Variants in ERCC6L2 observed in about 807,000 individuals in gnomAD.
ERCC6L2 encodes DNA excision repair protein ERCC-6-like 2.
A neutral mutation model predicts 132.0 loss-of-function variants in ERCC6L2; 77 were observed. The ratio of observed to expected loss-of-function variants is 0.58; its 90% CI spans 0.49 to 0.71. The LOEUF is 0.71. ERCC6L2 is among the 30% of genes least tolerant of loss of function. The pLI is 0.00. For missense variants in ERCC6L2, 1,542 were observed against 1,837.6 expected (o/e 0.84, Z 2.94); for synonymous variants, 583 against 632.4 (o/e 0.92, Z 1.17).
intron 13 of ERCC6L2, among the ~76,000 whole-genome samples, chr9:95,957,925 G>A (rs1831693715): frequency 6.6e-6 from 1 of 150,974 alleles, no homozygotes; most frequent in Non-Finnish European, 1.5e-5. Flanking sequence ...TGTGCACAAT[G>A]TGCAGGTTAG....
chr9:95,916,586 C>A (rs1184107768), intron 6 of ERCC6L2, 152 bp downstream of exon 6: 1 of 577,416 alleles, frequency 1.7e-6, no homozygotes, highest in Non-Finnish European at 2.9e-6. Flanking sequence ...ATTTCAGAAA[C>A]CATTGATTGA....
At chr9:95,950,683 G>C (rs1831289362) in intron 12 of ERCC6L2, among the ~76,000 whole-genome samples, 1 of 152,144 alleles carries the variant, frequency 6.6e-6, no homozygotes, top group South Asian at 2.1e-4. Context: ...AAAGAGAACA[G>C]GAATGGTTGT....
intron 16 of ERCC6L2, among the ~76,000 whole-genome samples, chr9:95,977,311 A>G (rs1214975622): frequency 6.6e-6 from 1 of 152,176 alleles, no homozygotes; most frequent in Admixed American, 6.5e-5. Context: ...ATGATTGGCA[A>G]TTTCTGATTG....
At chr9:95,995,564 G>A (rs964594235) in intron 17 of ERCC6L2, among the ~76,000 whole-genome samples, 2 of 152,126 alleles carry the variant, frequency 1.3e-5, no homozygotes, top group Non-Finnish European at 1.5e-5. Flanking sequence ...TTGTTTTAGT[G>A]TACTTCATTT....
intron 12 of ERCC6L2, among the ~76,000 whole-genome samples, chr9:95,948,206 C>T (rs903517602): frequency 6.6e-6 from 1 of 152,202 alleles, no homozygotes; most frequent in Non-Finnish European, 1.5e-5. Flanking sequence ...AAATATCAAA[C>T]AGGAGTTTGG....
intron 11 of ERCC6L2, among the ~76,000 whole-genome samples, chr9:95,938,000 T>C (rs931041503): frequency 1.8e-4 from 28 of 152,142 alleles, no homozygotes; most frequent in Admixed American, 1.6e-3. Flanking sequence ...ATATGTTGTA[T>C]TTTCATTTGT....
intron 2 of ERCC6L2, among the ~76,000 whole-genome samples, chr9:95,883,422 A>G (rs2132525335): frequency 6.6e-6 from 1 of 152,342 alleles, no homozygotes; most frequent in Middle Eastern, 3.4e-3. Context: ...TCTGTGACCA[A>G]GATTACAGAT....
chr9:95,973,978 C>T (rs775968894), intron 16 of ERCC6L2, among the ~76,000 whole-genome samples: 3 of 152,112 alleles, frequency 2.0e-5, no homozygotes, highest in African/African-American at 7.2e-5. Flanking sequence ...TTCTATATTA[C>T]CTGCAAAAGA....
intron 19 of ERCC6L2, among the ~76,000 whole-genome samples, chr9:96,035,386 T>C (rs1033899577): frequency 6.6e-6 from 1 of 152,116 alleles, no homozygotes; most frequent in Admixed American, 6.5e-5. Context: ...CTTCCTCTCC[T>C]CTGAGGGCCA....
At position 95,947,941 on chromosome 9, in the gene ERCC6L2, G is replaced by A. The variant is rs371726790; in HGVS notation, c.1847+6392G>A. On this transcript the variant is annotated intron_variant, in intron 12 of 18. Coordinates refer to ENST00000653738, the MANE Select transcript of ERCC6L2 (RefSeq NM_020207.7). The stretch of plus-strand genomic sequence containing the variant: ...ACTGACAATGCCCCTAGTCACCCAA[G>A]TGTTCTGATGGAGATATACAAGGAG... Among the ~76,000 whole-genome samples, 21 of 152,324 alleles carry A rather than the reference G, an allele frequency of 1.4e-4. No individual in the cohort carries two copies. In the South Asian group the frequency reaches 4.1e-3, roughly 30 times the overall value.
chr9:95,895,535 T>C (rs927163549), intron 2 of ERCC6L2, among the ~76,000 whole-genome samples: 2 of 152,148 alleles, frequency 1.3e-5, no homozygotes, highest in African/African-American at 4.8e-5. Flanking sequence ...TATTACTTTA[T>C]TATCCCCTTT....
At chr9:96,030,957 G>A (rs1194036699) in intron 19 of ERCC6L2, among the ~76,000 whole-genome samples, 2 of 152,152 alleles carry the variant, frequency 1.3e-5, no homozygotes, top group Non-Finnish European at 2.9e-5. Flanking sequence ...ACAGGCCCTG[G>A]TGCTTGTCGC....
At chr9:96,024,561 C>T (rs1834337469) in intron 19 of ERCC6L2, among the ~76,000 whole-genome samples, 1 of 152,222 alleles carries the variant, frequency 6.6e-6, no homozygotes, top group Non-Finnish European at 1.5e-5. Context: ...CTCCTCCTCA[C>T]CTTGTCCCTT....
intron 17 of ERCC6L2, among the ~76,000 whole-genome samples, chr9:95,980,845 T>G (rs1030936515): frequency 2.0e-5 from 3 of 152,320 alleles, no homozygotes; most frequent in South Asian, 4.1e-4. Context: ...TTCTTGATCC[T>G]GAAGTCTCCA....
intron 2 of ERCC6L2, among the ~76,000 whole-genome samples, chr9:95,885,579 G>A (rs1331167184): frequency 6.6e-6 from 1 of 152,100 alleles, no homozygotes; most frequent in Non-Finnish European, 1.5e-5. Context: ...AATCCCTTTT[G>A]TACATTTACG....
chr9:96,015,415 T>G lies in ERCC6L2; in HGVS notation c.*2212T>G, dbSNP rs2133236069. Among the ~76,000 whole-genome samples, 1 of 151,904 alleles carries G rather than the reference T, an allele frequency of 6.6e-6. No individual in the cohort carries two copies. Among genetic ancestry groups the G allele is most frequent in the South Asian group, 2.1e-4 (1 of 4,816 alleles). On this transcript the variant is annotated 3_prime_UTR_variant, in exon 19 of 19. Coordinates refer to ENST00000653738, the MANE Select transcript of ERCC6L2 (RefSeq NM_020207.7). ...GTTGGCCAGGCTGGTCTCAATCTCC[T>G]GGCTGCAAGCGATCCACCTGCCTTG...
chr9:95,953,586 AAAAC>A (rs1564257394), intron 12 of ERCC6L2, among the ~76,000 whole-genome samples: 1 of 151,908 alleles, frequency 6.6e-6, no homozygotes, highest in African/African-American at 2.4e-5. Context: ...AAAAAAAAAA[AAAAC>A]AATGAAATTA....
At chr9:95,913,143 T>C (rs1829420710) in intron 4 of ERCC6L2, among the ~76,000 whole-genome samples, 1 of 152,216 alleles carries the variant, frequency 6.6e-6, no homozygotes, top group Non-Finnish European at 1.5e-5. Flanking sequence ...CTGGTATCCC[T>C]CAATCCTTTT....
chr9:95,892,323 A>G (rs565165323), intron 2 of ERCC6L2, among the ~76,000 whole-genome samples: 1 of 151,936 alleles, frequency 6.6e-6, no homozygotes, highest in South Asian at 2.1e-4. Context: ...TGCCTATTTT[A>G]GGAAATAGCA....
Sources: allele counts gnomAD v4.1 joint callset (sites outside exome capture counted in the v4.1 genomes callset), GRCh38; gene constraint gnomAD v4.1.1; transcripts MANE v1.5; gene names NCBI Gene and HGNC (gene_info 2026-07-23, HGNC 2026-07-21).